The following TENM3 variants were observed in gnomAD, a reference collection of about 807,000 sequenced individuals.
The protein encoded by TENM3 is teneurin transmembrane protein 3.
TENM3 carries 63 observed loss-of-function variants against 255.1 expected under a neutral mutation model. The observed-to-expected ratio is 0.25, with a 90% confidence interval of 0.20 to 0.30. The LOEUF (loss-of-function observed/expected upper bound fraction) is 0.30. TENM3 is among the 10% of genes least tolerant of loss of function. TENM3 has a pLI of 1.00. For missense variants in TENM3, 2,929 were observed against 3,461.1 expected, an observed-to-expected ratio of 0.85 and a Z score of 3.86; for synonymous variants, 1,306 against 1,322.3, an observed-to-expected ratio of 0.99 and a Z score of 0.27.
the TENM3 span, among the ~76,000 whole-genome samples, chr4:181,502,523 C>T: frequency 6.6e-6 from 1 of 152,166 alleles, no homozygotes; most frequent in Admixed American, 6.5e-5. Context: ...AACCTGAGAA[C>T]AGAACTAGTG....
At chr4:182,785,580 C>T (rs888745439) in intron 24 of TENM3, among the ~76,000 whole-genome samples, 4 of 151,342 alleles carry the variant, frequency 2.6e-5, no homozygotes, top group South Asian at 2.1e-4. Context: ...TGGTGGCGCA[C>T]GCCTCTCGTC....
At chr4:182,626,218 C>T (rs180980488) in intron 4 of TENM3, among the ~76,000 whole-genome samples, 36 of 152,288 alleles carry the variant, frequency 2.4e-4, no homozygotes, top group African/African-American at 8.7e-4. Flanking sequence ...TGACATAGTC[C>T]ATCTTCTTAT....
At chr4:181,920,723 A>G in the TENM3 span, among the ~76,000 whole-genome samples, 23 of 151,472 alleles carry the variant, frequency 1.5e-4, no homozygotes, top group African/African-American at 5.6e-4. Flanking sequence ...GCTGTGCAGA[A>G]GCTCTTTAGT....
At chr4:182,220,382 A>AAAAG (rs1429702954) in intron 1 of TENM3, among the ~76,000 whole-genome samples, 21 of 99,480 alleles carry the variant, frequency 2.1e-4, no homozygotes, top group African/African-American at 7.2e-4. Context: ...GTCTCACAAA[A>AAAAG]AAAAAAAAAA....
At chr4:182,219,525 C>G (rs1057489747) in intron 1 of TENM3, among the ~76,000 whole-genome samples, 1 of 151,874 alleles carries the variant, frequency 6.6e-6, no homozygotes, top group Non-Finnish European at 1.5e-5. Flanking sequence ...ATTAGCCAGG[C>G]GTAGTGTTGC....
intron 3 of TENM3, among the ~76,000 whole-genome samples, chr4:182,510,210 C>G (rs938197949): frequency 7.9e-5 from 12 of 152,290 alleles, no homozygotes; most frequent in Non-Finnish European, 1.3e-4. Context: ...CCAGATTAAT[C>G]TAGTTTACAT....
chr4:182,004,057 T>A, the TENM3 span, among the ~76,000 whole-genome samples: 1 of 152,126 alleles, frequency 6.6e-6, no homozygotes, highest in Non-Finnish European at 1.5e-5. Flanking sequence ...CATATTGTAG[T>A]TGGCTTATGT....
chr4:181,728,067 C>A, the TENM3 span, among the ~76,000 whole-genome samples: 2 of 152,174 alleles, frequency 1.3e-5, no homozygotes, highest in Non-Finnish European at 2.9e-5. Context: ...CATAATGTTT[C>A]TAGAGTCTGT....
At chr4:182,142,036 C>T (rs1433484818), upstream of TENM3, 1 of 152,172 alleles carries the variant, frequency 6.6e-6, no homozygotes, top group Non-Finnish European at 1.5e-5. Flanking sequence ...GAAAGAGTTT[C>T]CTTACGATCA....
At chr4:182,571,445 G>A (rs2152020243) in intron 3 of TENM3, among the ~76,000 whole-genome samples, 1 of 152,330 alleles carries the variant, frequency 6.6e-6, no homozygotes, top group South Asian at 2.1e-4. Context: ...AGGATGGCTT[G>A]AGCCCAGGAA....
intron 16 of TENM3, among the ~76,000 whole-genome samples, chr4:182,732,838 A>G (rs935761172): frequency 6.6e-6 from 1 of 152,184 alleles, no homozygotes; most frequent in African/African-American, 2.4e-5. Flanking sequence ...AAATATATAT[A>G]TAATCATAAT....
chr4:182,356,181 T>C (rs945955930), intron 3 of TENM3, among the ~76,000 whole-genome samples: 6 of 151,840 alleles, frequency 4.0e-5, no homozygotes, highest in African/African-American at 1.5e-4. Context: ...AAAAGAGACA[T>C]ACTGTGATCA....
At chr4:181,470,147 C>T in the TENM3 span, among the ~76,000 whole-genome samples, 2 of 122,556 alleles carry the variant, frequency 1.6e-5, no homozygotes, top group African/African-American at 6.3e-5. Flanking sequence ...AGGAACTATT[C>T]TATTTACTGA....
intron 3 of TENM3, among the ~76,000 whole-genome samples, chr4:182,407,348 C>G (rs1769652311): frequency 6.6e-6 from 1 of 152,176 alleles, no homozygotes; most frequent in Non-Finnish European, 1.5e-5. Flanking sequence ...TAGCGATTCT[C>G]AGGGTCAGCT....
chr4:181,552,607 A>G, the TENM3 span, among the ~76,000 whole-genome samples: 3 of 152,128 alleles, frequency 2.0e-5, no homozygotes, highest in East Asian at 5.8e-4. Flanking sequence ...AACGTGCCAT[A>G]TCGTAGGCTG....
chr4:181,899,999 A>G, the TENM3 span, among the ~76,000 whole-genome samples: 1 of 152,248 alleles, frequency 6.6e-6, no homozygotes, highest in Non-Finnish European at 1.5e-5. Flanking sequence ...TATTGGTTGT[A>G]GTATTTATTG....
intron 2 of TENM3, among the ~76,000 whole-genome samples, chr4:182,330,501 G>A (rs6840098): frequency 0.66 from 100,563 of 152,084 alleles, 33,583 homozygotes; most frequent in East Asian, 0.87. Context: ...AGGGGAGAAG[G>A]TCAAGGGGAA....
At chr4:182,434,053 G>T (rs550992508) in intron 3 of TENM3, among the ~76,000 whole-genome samples, 64 of 151,908 alleles carry the variant, frequency 4.2e-4, no homozygotes, top group Non-Finnish European at 8.1e-4. Flanking sequence ...GTTTGAGGTC[G>T]CAGTGAGCTA....
chr4:181,995,355 T>C, the TENM3 span, among the ~76,000 whole-genome samples: 1 of 152,218 alleles, frequency 6.6e-6, no homozygotes, highest in South Asian at 2.1e-4. Context: ...TTGTCCCATT[T>C]GTACAGTGAA....
Sources: allele counts gnomAD v4.1 joint callset (sites outside exome capture counted in the v4.1 genomes callset), GRCh38; gene constraint gnomAD v4.1.1; transcripts MANE v1.5; gene names NCBI Gene and HGNC (gene_info 2026-07-23, HGNC 2026-07-21).